Variants in CDH10 observed in about 807,000 individuals in gnomAD.
The protein encoded by CDH10 is cadherin 10.
A neutral mutation model predicts 73.1 loss-of-function variants in CDH10; 30 were observed. The ratio of observed to expected loss-of-function variants is 0.41; its 90% CI spans 0.31 to 0.56. The LOEUF is 0.56. Ranked by LOEUF, CDH10 falls within the 20% of genes least tolerant of loss-of-function variation. CDH10 has a pLI of 0.27. For missense variants in CDH10, 815 were observed against 973.7 expected, an observed-to-expected ratio of 0.84 and a Z score of 2.17; for synonymous variants, 345 against 348.2, an observed-to-expected ratio of 0.99 and a Z score of 0.10.
chr5:24,513,617 G>A (rs1743000628), intron 5 of CDH10, among the ~76,000 whole-genome samples: 1 of 152,148 alleles, frequency 6.6e-6, no homozygotes, highest in African/African-American at 2.4e-5. Context: ...TACGCTACAT[G>A]TTGGAAGTCA....
chr5:24,571,093 TG>T (rs1745365671), intron 2 of CDH10, among the ~76,000 whole-genome samples: 8 of 152,158 alleles, frequency 5.3e-5, no homozygotes, highest in Non-Finnish European at 1.2e-4. Context: ...TTTCTGTCAG[TG>T]AAGAGCAAAT....
chr5:24,535,328 T>G (rs1434143530), intron 4 of CDH10, 49 bp from the exon 5 acceptor site: 1 of 1,512,208 alleles, frequency 6.6e-7, no homozygotes. Context: ...AAATCTCCAT[T>G]GTTATTTTAT....
chr5:24,562,821 T>A (rs13176705), intron 2 of CDH10, among the ~76,000 whole-genome samples: 56,153 of 151,914 alleles, frequency 0.37, 12,405 homozygotes, highest in East Asian at 0.58. Flanking sequence ...TACCTTTTTT[T>A]AAAAAAACTT....
At chr5:24,496,051 C>T (rs147083357) in intron 9 of CDH10, among the ~76,000 whole-genome samples, 7 of 151,816 alleles carry the variant, frequency 4.6e-5, no homozygotes, top group African/African-American at 1.7e-4. Context: ...TTTAAAGTGA[C>T]AAAACTGGTT....
chr5:24,611,146 A>T (rs1266694940), intron 1 of CDH10, among the ~76,000 whole-genome samples: 2 of 152,204 alleles, frequency 1.3e-5, no homozygotes, highest in African/African-American at 4.8e-5. Context: ...GTTCCTGGAA[A>T]ATAATATATT....
intron 2 of CDH10, among the ~76,000 whole-genome samples, chr5:24,546,105 C>A (rs1039390774): frequency 5.9e-5 from 9 of 151,936 alleles, no homozygotes; most frequent in African/African-American, 2.2e-4. Context: ...TGGATCTTTA[C>A]ATTTATTTGA....
intron 2 of CDH10, among the ~76,000 whole-genome samples, chr5:24,569,931 T>A (rs1160860465): frequency 6.6e-6 from 1 of 151,826 alleles, no homozygotes; most frequent in African/African-American, 2.4e-5. Flanking sequence ...GCCCGGCTAA[T>A]TTTTTTGTAT....
chr5:24,504,506 C>CTGTTTTTTTTTTTTTTTT lies in CDH10; in HGVS notation c.1393+605_1393+606insAAAAAAAAAAAAAAAACA, dbSNP rs1554016940. ...TATTAAATGCTTTTCTCCTATTAAT[C>CTGTTTTTTTTTTTTTTTT]TTTTTTTTTTTTTTTTTTTTTTTTT... On this transcript the variant is annotated intron_variant, in intron 8 of 11. Transcript: ENST00000264463. 5.5e-4 allele frequency among the ~76,000 whole-genome samples: 36 copies of CTGTTTTTTTTTTTTTTTT among 65,164 alleles called. 13 individuals are homozygous for CTGTTTTTTTTTTTTTTTT. The highest frequency in any genetic ancestry group is 7.7e-4 in the Non-Finnish European group (26 of 33,966). 42.8% of individuals were successfully genotyped at this position (65,164 alleles called of 152,430 possible).
intron 5 of CDH10, among the ~76,000 whole-genome samples, chr5:24,522,384 C>CT (rs1177412374): frequency 6.6e-6 from 1 of 151,970 alleles, no homozygotes; most frequent in East Asian, 1.9e-4. Flanking sequence ...CCCTTTGGAT[C>CT]TTTTTAAGAA....
chr5:24,542,680 T>C (rs1450520421), intron 2 of CDH10, among the ~76,000 whole-genome samples: 2 of 152,178 alleles, frequency 1.3e-5, no homozygotes, highest in African/African-American at 4.8e-5. Context: ...GCAACAGAAA[T>C]ATACTTCTCA....
chr5:24,600,291 T>A (rs1236548638), intron 1 of CDH10, among the ~76,000 whole-genome samples: 1 of 152,142 alleles, frequency 6.6e-6, no homozygotes, highest in East Asian at 1.9e-4. Context: ...ATTGAAGAAA[T>A]CATTGTGTTT....
rs143582601 is a variant in CDH10, at chr5:24,545,162, T to C, written c.232-7488A>G. 2.6e-5 allele frequency among the ~76,000 whole-genome samples: 4 copies of C among 152,292 alleles called. No individual in the cohort carries two copies. The East Asian group carries it at 7.7e-4, about 29-fold the overall frequency. On this transcript the variant is annotated intron_variant, in intron 2 of 11. Coordinates refer to ENST00000264463, the MANE Select transcript of CDH10 (RefSeq NM_006727.5). ...ATTATTTTAGAAGCCAGGACTCTTCTTATATTTTTGAAGATCACTGAATTA... is the reference window on the plus strand; with the variant it reads ...ATTATTTTAGAAGCCAGGACTCTTCCTATATTTTTGAAGATCACTGAATTA...
chr5:24,614,203 T>C (rs1747052874), intron 1 of CDH10, among the ~76,000 whole-genome samples: 1 of 152,162 alleles, frequency 6.6e-6, no homozygotes, highest in African/African-American at 2.4e-5. Context: ...TAGGAAAAAC[T>C]CTGTAAGTTC....
In CDH10 at chr5:24,492,793, T is replaced by C. The variant is rs760455359; in HGVS notation, c.1624+24A>G. 2.1e-5 allele frequency: 19 copies of C among 897,156 alleles called. No homozygotes were observed. The East Asian group carries it at 3.9e-4, about 18-fold the overall frequency. 55.6% of individuals were successfully genotyped at this position (897,156 alleles called of 1,614,324 possible). On this transcript the variant is annotated intron_variant, in intron 10 of 11. Transcript: ENST00000264463. ...TTCCTGTTAATATCATCATAAGTCA[T>C]AGTGAACAAGTTCTAAAATTTACCT... is the stretch of plus-strand genomic sequence containing the variant.
chr5:24,580,986 T>C (rs979480997), intron 2 of CDH10, among the ~76,000 whole-genome samples: 10 of 152,212 alleles, frequency 6.6e-5, no homozygotes, highest in Non-Finnish European at 1.5e-4. Context: ...GGATCATTCA[T>C]GTAATCCAGG....
At chr5:24,572,272 T>C (rs1453774532) in intron 2 of CDH10, among the ~76,000 whole-genome samples, 3 of 152,112 alleles carry the variant, frequency 2.0e-5, no homozygotes, top group Non-Finnish European at 4.4e-5. Flanking sequence ...GCCTTTCAAC[T>C]TCCAGGTAAA....
At chr5:24,492,989 A>G in intron 9 of CDH10, 64 bp from the exon 10 acceptor site, 4 of 709,492 alleles carry the variant, frequency 5.6e-6, no homozygotes, top group Non-Finnish European at 1.0e-5. Flanking sequence ...ATCTGCACTT[A>G]AGATCTTCAT....
chr5:24,540,309 G>A (rs570836651), intron 2 of CDH10, among the ~76,000 whole-genome samples: 1 of 151,996 alleles, frequency 6.6e-6, no homozygotes, highest in East Asian at 1.9e-4. Context: ...GAATGAAGAA[G>A]GATCTAAGGC....
chr5:24,624,979 A>G (rs1747445436), intron 1 of CDH10, among the ~76,000 whole-genome samples: 2 of 152,172 alleles, frequency 1.3e-5, no homozygotes, highest in African/African-American at 2.4e-5. Context: ...CATCTATTAA[A>G]TCATGAAGAA....
Sources: allele counts gnomAD v4.1 joint callset (sites outside exome capture counted in the v4.1 genomes callset), GRCh38; gene constraint gnomAD v4.1.1; transcripts MANE v1.5; gene names NCBI Gene and HGNC (gene_info 2026-07-23, HGNC 2026-07-21).